IL19: variants seen among roughly 807,000 people sequenced by gnomAD.
The protein encoded by IL19 is interleukin-19.
Under a neutral mutation model 19.5 loss-of-function variants are expected in IL19, and 15 were observed. The ratio of observed to expected loss-of-function variants is 0.77; its 90% CI spans 0.52 to 1.19. The LOEUF (loss-of-function observed/expected upper bound fraction) is 1.19, where lower values mean the gene tolerates loss of function less well. IL19 is among the 50% of genes most tolerant of loss of function. IL19 has a pLI of 0.00. For missense variants in IL19, 199 were observed against 213.1 expected (o/e 0.93, Z 0.41); for synonymous variants, 78 against 78.3 (o/e 1.00, Z 0.02).
At chr1:206,799,749 T>C (rs1446694775) in intron 2 of IL19, among the ~76,000 whole-genome samples, 1 of 152,198 alleles carries the variant, frequency 6.6e-6, no homozygotes, top group East Asian at 1.9e-4. Context: ...CAGGGTCACA[T>C]GGCTGCCTGT....
At chr1:206,816,836 A>G (rs879013858) in intron 2 of IL19, among the ~76,000 whole-genome samples, 1 of 152,214 alleles carries the variant, frequency 6.6e-6, no homozygotes, top group Admixed American at 6.5e-5. Context: ...AGAATGCAGA[A>G]AATGGAGAAA....
rs2243160 is a variant in IL19, at chr1:206,834,543, G to A, written c.-2-2118G>A. The stretch of plus-strand genomic sequence containing the variant: ...GCTGGGCATTTGGTAGAATGGGAAG[G>A]GGTACTCTATAGAAAAGGTGAATTT... On this transcript the variant is annotated intron_variant, in intron 2 of 6. Transcript: ENST00000659997. 1,946 of 635,722 alleles carry A rather than the reference G, an allele frequency of 3.1e-3. 30 individuals are homozygous for A. In the African/African-American group the frequency reaches 0.036, roughly 12 times the overall value. 39.4% of individuals were successfully genotyped at this position (635,722 alleles called of 1,614,324 possible). A position where few individuals can be genotyped will look rare whatever the true frequency, so the allele number is the denominator to read the frequency against.
At chr1:206,788,572 G>A (rs1308592397) in intron 1 of IL19, among the ~76,000 whole-genome samples, 2 of 151,364 alleles carry the variant, frequency 1.3e-5, no homozygotes, top group Admixed American at 6.6e-5. Flanking sequence ...GTGATTTTTG[G>A]TTACATGGAT....
intron 2 of IL19, among the ~76,000 whole-genome samples, chr1:206,820,193 C>T (rs1322491381): frequency 6.6e-6 from 1 of 152,112 alleles, no homozygotes; most frequent in Non-Finnish European, 1.5e-5. Flanking sequence ...TAAATATGGC[C>T]CCCCTAAACT....
chr1:206,819,309 G>T (rs1308442072), intron 2 of IL19, among the ~76,000 whole-genome samples: 1 of 151,928 alleles, frequency 6.6e-6, no homozygotes, highest in Non-Finnish European at 1.5e-5. Context: ...AACTGGGCTG[G>T]GTACAGTAGC....
At chr1:206,788,174 C>T (rs192326469) in intron 1 of IL19, among the ~76,000 whole-genome samples, 4 of 152,264 alleles carry the variant, frequency 2.6e-5, no homozygotes, top group Admixed American at 2.0e-4. Flanking sequence ...GTGTGTGACT[C>T]TTTGCAGCTG....
At chr1:206,820,589 G>T (rs897470156) in intron 2 of IL19, among the ~76,000 whole-genome samples, 2 of 152,158 alleles carry the variant, frequency 1.3e-5, no homozygotes. Flanking sequence ...ATAATTTGTT[G>T]CTAAAAGCAA....
intron 2 of IL19, among the ~76,000 whole-genome samples, chr1:206,836,134 T>C (rs1276868582): frequency 6.6e-6 from 1 of 152,252 alleles, no homozygotes; most frequent in African/African-American, 2.4e-5. Context: ...AGGTGAAATC[T>C]CCACAGCTGG....
At chr1:206,802,671 T>C (rs1470644229) in intron 2 of IL19, among the ~76,000 whole-genome samples, 1 of 152,128 alleles carries the variant, frequency 6.6e-6, no homozygotes, top group African/African-American at 2.4e-5. Context: ...TTTCAATTTT[T>C]TTTTTCTTTT....
At chr1:206,834,349 A>G in intron 2 of IL19, 4 of 985,674 alleles carry the variant, frequency 4.1e-6, no homozygotes, top group Non-Finnish European at 4.8e-6. Flanking sequence ...TCCAAATGGC[A>G]GAGAGCACTG....
At chr1:206,822,694 C>T (rs1051544048) in intron 2 of IL19, among the ~76,000 whole-genome samples, 1 of 152,132 alleles carries the variant, frequency 6.6e-6, no homozygotes, top group Non-Finnish European at 1.5e-5. Flanking sequence ...GTGATCATGA[C>T]ATCTGTTTAA....
At chr1:206,773,188 T>C (rs1212046310) in intron 1 of IL19, among the ~76,000 whole-genome samples, 1 of 152,018 alleles carries the variant, frequency 6.6e-6, no homozygotes, top group Non-Finnish European at 1.5e-5. Context: ...TGGGTAAGAG[T>C]AGTCTGCACT....
chr1:206,783,250 A>G (rs1365007491), intron 1 of IL19, among the ~76,000 whole-genome samples: 1 of 152,064 alleles, frequency 6.6e-6, no homozygotes, highest in Non-Finnish European at 1.5e-5. Flanking sequence ...TGGACTAAGA[A>G]CTCCAGAGGC....
intron 2 of IL19, among the ~76,000 whole-genome samples, chr1:206,807,929 A>G (rs1675891240): frequency 6.6e-6 from 1 of 151,900 alleles, no homozygotes; most frequent in East Asian, 1.9e-4. Context: ...CTTTTTTTCT[A>G]TTAAAGAGAT....
intron 2 of IL19, among the ~76,000 whole-genome samples, chr1:206,835,710 G>T (rs987638900): frequency 1.3e-5 from 2 of 152,184 alleles, no homozygotes; most frequent in Non-Finnish European, 2.9e-5. Flanking sequence ...CATAGCAGAG[G>T]GCTGCTCTCG....
At chr1:206,775,705 G>C (rs779937936) in intron 1 of IL19, among the ~76,000 whole-genome samples, 1 of 152,176 alleles carries the variant, frequency 6.6e-6, no homozygotes, top group Admixed American at 6.5e-5. Flanking sequence ...AAAGTCACTG[G>C]GGTCCACGGG....
chr1:206,773,081 T>A (rs891333661), intron 1 of IL19, among the ~76,000 whole-genome samples: 1 of 152,180 alleles, frequency 6.6e-6, no homozygotes, highest in Non-Finnish European at 1.5e-5. Context: ...GGTCACAGGA[T>A]GTGTTCCAGG....
intron 1 of IL19, among the ~76,000 whole-genome samples, chr1:206,773,585 T>TC (rs1558603760): frequency 1.5e-5 from 2 of 130,720 alleles, no homozygotes; most frequent in Non-Finnish European, 3.2e-5. Flanking sequence ...TTGTCTTGGA[T>TC]TTGTGTGTGT....
At chr1:206,841,768 T>A (rs1205764328) in intron 6 of IL19, among the ~76,000 whole-genome samples, 1 of 152,242 alleles carries the variant, frequency 6.6e-6, no homozygotes, top group East Asian at 1.9e-4. Flanking sequence ...GTTCTTACTA[T>A]AAGCCAGGTA....
Sources: allele counts gnomAD v4.1 joint callset (sites outside exome capture counted in the v4.1 genomes callset), GRCh38; gene constraint gnomAD v4.1.1; transcripts MANE v1.5; gene names NCBI Gene and HGNC (gene_info 2026-07-23, HGNC 2026-07-21).